The following CACNA1C variants were observed in gnomAD, a reference collection of about 807,000 sequenced individuals.
CACNA1C encodes the protein calcium voltage-gated channel subunit alpha1 C.
A neutral mutation model predicts 229.0 loss-of-function variants in CACNA1C; 30 were observed. The ratio of observed to expected loss-of-function variants is 0.13; its 90% CI spans 0.10 to 0.18. CACNA1C has a LOEUF of 0.18. CACNA1C is among the 10% of genes least tolerant of loss of function. The pLI is 1.00. For synonymous variants in CACNA1C, 1,114 were observed against 1,132.5 expected (o/e 0.98, Z 0.33); for missense variants, 1,658 against 2,845.0 (o/e 0.58, Z 9.49).
chr12:2,643,295 C>T (rs1189932850), intron 30 of CACNA1C, among the ~76,000 whole-genome samples: 1 of 152,210 alleles, frequency 6.6e-6, no homozygotes, highest in East Asian at 1.9e-4. Context: ...TGGTCCCTGT[C>T]CATCTTTAGC....
intron 3 of CACNA1C, among the ~76,000 whole-genome samples, chr12:2,312,402 T>C (rs1228610174): frequency 6.6e-6 from 1 of 152,158 alleles, no homozygotes; most frequent in East Asian, 1.9e-4. Context: ...TCCCTCTTTA[T>C]ATGAAGCAAG....
chr12:2,020,166 A>G (rs1025876346), intron 1 of CACNA1C: 6 of 152,222 alleles, frequency 3.9e-5, no homozygotes, highest in Admixed American at 3.9e-4. Context: ...GTGGACAGCA[A>G]TAATAACAAC....
rs978869414 is a variant in CACNA1C at position 2,653,694 on chromosome 12, G to A, written c.4075-141G>A. On this transcript the variant is annotated intron_variant, in intron 32 of 46. Transcript: ENST00000399655. This position sits in a 1 kb window ranked among gnomAD's most constrained non-coding sequence, Gnocchi z 4.7. ...CTTCTCGCAGGTTCCCCGTAGTCCT[G>A]TGGGACTCTTGGAAGTGTCCCCCGG... The A allele has an allele frequency of 8.4e-5, 58 of 693,656 alleles. No homozygotes were observed. Among genetic ancestry groups the A allele is most frequent in the Non-Finnish European group, 1.4e-4 (53 of 389,394 alleles). The allele number at this position is 693,656 out of a possible 1,614,324, so 43.0% of individuals were successfully genotyped here.
At chr12:2,193,969 C>G (rs2097319158) in intron 3 of CACNA1C, among the ~76,000 whole-genome samples, 1 of 152,148 alleles carries the variant, frequency 6.6e-6, no homozygotes, top group Non-Finnish European at 1.5e-5. Context: ...TCCCTCAGTC[C>G]TGGCCACTCC....
At chr12:2,213,296 G>T (rs568384199) in intron 3 of CACNA1C, among the ~76,000 whole-genome samples, 1 of 152,000 alleles carries the variant, frequency 6.6e-6, no homozygotes, top group Non-Finnish European at 1.5e-5. Context: ...TTTTTACTTT[G>T]AGCTTTCTCT....
chr12:2,243,012 T>A (rs905276506), intron 3 of CACNA1C, among the ~76,000 whole-genome samples: 6 of 152,192 alleles, frequency 3.9e-5, no homozygotes, highest in African/African-American at 4.8e-5. Context: ...TTTGGGTCTT[T>A]TATCTGCTGT....
intron 3 of CACNA1C, among the ~76,000 whole-genome samples, chr12:2,439,705 T>G (rs2099198421): frequency 6.6e-6 from 1 of 151,850 alleles, no homozygotes; most frequent in South Asian, 2.1e-4. Flanking sequence ...AGAGATAAGT[T>G]TGAGAAGGGT....
At chr12:2,502,093 C>T (rs994365094) in intron 7 of CACNA1C, among the ~76,000 whole-genome samples, 4 of 152,232 alleles carry the variant, frequency 2.6e-5, no homozygotes, top group African/African-American at 9.6e-5. Flanking sequence ...CCCCCTCAGC[C>T]TCACGCAGAC....
intron 3 of CACNA1C, among the ~76,000 whole-genome samples, chr12:2,357,603 A>G (rs2097412669): frequency 6.6e-6 from 1 of 151,314 alleles, no homozygotes; most frequent in Non-Finnish European, 1.5e-5. Flanking sequence ...TTAGGATTGA[A>G]CCAAAGGGTG....
intron 1 of CACNA1C, among the ~76,000 whole-genome samples, chr12:2,098,169 A>G (rs533919852): frequency 6.6e-6 from 1 of 152,330 alleles, no homozygotes; most frequent in African/African-American, 2.4e-5. Context: ...TCATGTCTAT[A>G]TGAAGTTTGA....
intron 1 of CACNA1C, among the ~76,000 whole-genome samples, chr12:1,983,005 G>C (rs1018174885): frequency 2.6e-5 from 4 of 151,780 alleles, no homozygotes; most frequent in African/African-American, 9.7e-5. Context: ...CTGATGATTT[G>C]TATTTCTCAG....
rs977873482 is a variant in CACNA1C at position 1,971,711 on chromosome 12, A to G, written c.139+510A>G. Among the ~76,000 whole-genome samples the G allele has an allele frequency of 1.3e-5, 2 of 152,228 alleles. No homozygotes were observed. Among genetic ancestry groups the G allele is most frequent in the Non-Finnish European group, 2.9e-5 (2 of 68,038 alleles). On this transcript the variant is annotated intron_variant, in intron 1 of 46. Transcript: ENST00000682462. The surrounding 1 kb of genome is among the most constrained non-coding windows in gnomAD (Gnocchi z 4.2). The stretch of plus-strand genomic sequence containing the variant: ...CAGCGTCATTCAAATGTACATTTTC[A>G]TTTGTAACCCTTTGATTCTTATTAG...
At chr12:2,427,899 C>T (rs920109639) in intron 3 of CACNA1C, among the ~76,000 whole-genome samples, 12 of 152,112 alleles carry the variant, frequency 7.9e-5, no homozygotes, top group African/African-American at 2.4e-4. Flanking sequence ...GGATTACAGG[C>T]GTGAGCCACC....
intron 1 of CACNA1C, chr12:2,004,416 C>G: frequency 6.2e-7 from 1 of 1,610,222 alleles, no homozygotes; most frequent in Non-Finnish European, 8.5e-7. Context: ...AGGCCGCCTG[C>G]CGCCACGGCT....
rs1249598517 is a variant in CACNA1C, at chr12:2,654,567, G to T, written c.4141-580G>T. Reference sequence around the variant, plus strand: ...GCTTCCTCGGCCGCTCCTTCAGGAAGTCCCCTACTTGCTCATCGCAGAAAG... The same window carrying T: ...GCTTCCTCGGCCGCTCCTTCAGGAATTCCCCTACTTGCTCATCGCAGAAAG... On this transcript the variant is annotated intron_variant, in intron 33 of 46. Coordinates refer to ENST00000399655, the MANE Select transcript of CACNA1C (RefSeq NM_000719.7). This position sits in a 1 kb window ranked among gnomAD's most constrained non-coding sequence, Gnocchi z 4.4. 6.6e-6 allele frequency among the ~76,000 whole-genome samples: 1 copy of T among 152,202 alleles called. No individual in the cohort carries two copies. The highest frequency in any genetic ancestry group is 1.5e-5 in the Non-Finnish European group (1 of 68,042).
chr12:2,044,688 T>A (rs2050767808), intron 1 of CACNA1C, among the ~76,000 whole-genome samples: 1 of 152,218 alleles, frequency 6.6e-6, no homozygotes, highest in Admixed American at 6.5e-5. Flanking sequence ...ATCCTTGGAA[T>A]CTACAATTAC....
intron 8 of CACNA1C, among the ~76,000 whole-genome samples, chr12:2,510,061 G>C (rs1404258482): frequency 4.6e-5 from 7 of 152,168 alleles, no homozygotes. Flanking sequence ...CTGAGCCCTG[G>C]CCCCTGGCTC....
At chr12:2,188,364 A>ACT (rs35848523) in intron 3 of CACNA1C, among the ~76,000 whole-genome samples, 87,239 of 152,012 alleles carry the variant, frequency 0.57, 27,473 homozygotes, top group African/African-American at 0.85. Flanking sequence ...CTGATAGATA[A>ACT]CTATGGATCG....
intron 1 of CACNA1C, among the ~76,000 whole-genome samples, chr12:2,038,621 G>C (rs997662863): frequency 6.6e-6 from 1 of 152,208 alleles, no homozygotes; most frequent in African/African-American, 2.4e-5. Context: ...TAAAAGAAGA[G>C]AATTGTTGAG....
Sources: gnomAD v4.1 joint callset for allele counts (sites outside exome capture counted in the v4.1 genomes callset) on GRCh38, gnomAD v4.1.1 for gene constraint, Gnocchi (gnomAD v3.1) non-coding constraint, MANE v1.5 for transcripts, NCBI Gene and HGNC (gene_info 2026-07-23, HGNC 2026-07-21) for gene names.